The following GUCY1A2 variants were observed in gnomAD, a reference collection of about 807,000 sequenced individuals.
GUCY1A2 encodes the protein guanylate cyclase soluble subunit alpha-2.
A neutral mutation model predicts 63.5 loss-of-function variants in GUCY1A2; 27 were observed. That is an observed-to-expected ratio of 0.43 (90% CI 0.31 to 0.59). GUCY1A2 has a LOEUF of 0.59. GUCY1A2 is among the 20% of genes least tolerant of loss of function. The pLI, the probability that GUCY1A2 is intolerant of heterozygous loss-of-function variation, is 0.11. For missense variants in GUCY1A2, 768 were observed against 913.3 expected, an observed-to-expected ratio of 0.84 and a Z score of 2.05; for synonymous variants, 364 against 343.5, an observed-to-expected ratio of 1.06 and a Z score of -0.66.
intron 3 of GUCY1A2, among the ~76,000 whole-genome samples, chr11:106,959,802 G>C (rs1337009069): frequency 6.6e-6 from 1 of 152,200 alleles, no homozygotes; most frequent in Non-Finnish European, 1.5e-5. Flanking sequence ...CAGGGAAACA[G>C]TCTGGTAAAA....
At chr11:106,770,515 C>A (rs1004834892) in intron 6 of GUCY1A2, among the ~76,000 whole-genome samples, 1 of 151,894 alleles carries the variant, frequency 6.6e-6, no homozygotes, top group Non-Finnish European at 1.5e-5. Flanking sequence ...GCAATATTTC[C>A]AAAACCCAAA....
chr11:106,750,034 G>T (rs1012559339), intron 6 of GUCY1A2, among the ~76,000 whole-genome samples: 1 of 152,050 alleles, frequency 6.6e-6, no homozygotes, highest in African/African-American at 2.4e-5. Context: ...GTTGGGGAGA[G>T]AAGCCTATAA....
chr11:106,880,094 T>C (rs559669794), intron 4 of GUCY1A2, among the ~76,000 whole-genome samples: 10 of 152,066 alleles, frequency 6.6e-5, no homozygotes, highest in South Asian at 2.1e-4. Flanking sequence ...AACTTAAGCA[T>C]ACCCTGAGAA....
rs77133571 is a variant in GUCY1A2, at chr11:106,682,923, G to A, written c.*4626C>T. On this transcript the variant is annotated 3_prime_UTR_variant, in exon 8 of 8. Coordinates refer to ENST00000526355, the MANE Select transcript of GUCY1A2 (RefSeq NM_000855.3). The stretch of plus-strand genomic sequence containing the variant: ...GAATTTTGCACACTATCTCAGTATA[G>A]CCTGACAAGATTGTTAATCTGTATG... The A allele has an allele frequency of 6.5e-3, 1,394 of 215,868 alleles. 8 individuals carry two copies. Among genetic ancestry groups the A allele is most frequent in the Middle Eastern group, 0.015 (10 of 688 alleles). 13.4% of individuals were successfully genotyped at this position (215,868 alleles called of 1,614,324 possible).
At chr11:107,009,019 G>T (rs1457597682) in intron 1 of GUCY1A2, among the ~76,000 whole-genome samples, 1 of 152,154 alleles carries the variant, frequency 6.6e-6, no homozygotes, top group Non-Finnish European at 1.5e-5. Context: ...GGTAACATCA[G>T]GACCTCCACA....
intron 1 of GUCY1A2, among the ~76,000 whole-genome samples, chr11:107,009,562 A>G (rs762493956): frequency 5.1e-4 from 78 of 152,240 alleles, no homozygotes; most frequent in Admixed American, 1.0e-3. Context: ...TACTGAACAT[A>G]AACATAAGCA....
intron 2 of GUCY1A2, among the ~76,000 whole-genome samples, chr11:106,983,269 C>T (rs1206585914): frequency 6.6e-6 from 1 of 152,170 alleles, no homozygotes; most frequent in African/African-American, 2.4e-5. Flanking sequence ...TTTTAGCACT[C>T]ATTTCCCCAA....
intron 4 of GUCY1A2, among the ~76,000 whole-genome samples, chr11:106,927,859 A>C (rs796161464): frequency 2.0e-5 from 3 of 152,174 alleles, no homozygotes; most frequent in African/African-American, 7.2e-5. Context: ...GGCGTGAGCC[A>C]CCACGCCCGG....
intron 7 of GUCY1A2, among the ~76,000 whole-genome samples, chr11:106,688,402 A>G (rs1330845488): frequency 1.3e-5 from 2 of 152,172 alleles, no homozygotes; most frequent in Admixed American, 1.3e-4. Context: ...ACAACATTGG[A>G]ATAAATTTAT....
At chr11:106,764,066 C>T (rs1864116301) in intron 6 of GUCY1A2, among the ~76,000 whole-genome samples, 1 of 151,862 alleles carries the variant, frequency 6.6e-6, no homozygotes, top group African/African-American at 2.4e-5. Flanking sequence ...GTGTATATTT[C>T]AATATTATTC....
chr11:106,716,643 C>A (rs191784116), intron 6 of GUCY1A2, among the ~76,000 whole-genome samples: 118 of 151,774 alleles, frequency 7.8e-4, no homozygotes, highest in Non-Finnish European at 1.4e-3. Flanking sequence ...GTGGAGGACA[C>A]CTGTAGTCCC....
chr11:106,756,163 T>C (rs931661435), intron 6 of GUCY1A2, among the ~76,000 whole-genome samples: 5 of 152,208 alleles, frequency 3.3e-5, no homozygotes, highest in African/African-American at 1.2e-4. Flanking sequence ...GAGACTAGGA[T>C]TGCAACCCCT....
intron 3 of GUCY1A2, among the ~76,000 whole-genome samples, chr11:106,946,273 T>C (rs117988122): frequency 0.01 from 1,549 of 152,140 alleles, 18 homozygotes; most frequent in Non-Finnish European, 0.018. Flanking sequence ...TAATCAATAA[T>C]GAAATGGGAA....
chr11:106,982,759 G>C (rs944688111), intron 2 of GUCY1A2, among the ~76,000 whole-genome samples: 7 of 152,162 alleles, frequency 4.6e-5, no homozygotes, highest in Admixed American at 6.5e-5. Flanking sequence ...AGGTTGGTAA[G>C]TTGAGAAACC....
At chr11:106,733,344 C>T (rs999763854) in intron 6 of GUCY1A2, among the ~76,000 whole-genome samples, 15 of 151,948 alleles carry the variant, frequency 9.9e-5, no homozygotes, top group Non-Finnish European at 2.1e-4. Flanking sequence ...TTAGAGACTA[C>T]GAATATGCTA....
chr11:106,745,124 G>A (rs989126917), intron 6 of GUCY1A2, among the ~76,000 whole-genome samples: 8 of 152,228 alleles, frequency 5.3e-5, no homozygotes, highest in East Asian at 1.9e-4. Context: ...AGGATTGAAC[G>A]ATTTGCCATG....
At position 106,799,910 on chromosome 11, in the gene GUCY1A2, G is replaced by C. The variant is rs562578568; in HGVS notation, c.1692+10083C>G. 3.3e-5 allele frequency among the ~76,000 whole-genome samples: 5 copies of C among 152,258 alleles called. No homozygotes were observed. The South Asian group carries it at 1.0e-3, about 32-fold the overall frequency. On this transcript the variant is annotated intron_variant, in intron 5 of 7. Coordinates refer to ENST00000526355, the MANE Select transcript of GUCY1A2 (RefSeq NM_000855.3). ...ACAAATGGGATCTAATTAAACTAAA[G>C]AGCTTCTGCACAGCAAAAGAAACCA...
At chr11:106,744,846 A>G (rs922435857) in intron 6 of GUCY1A2, among the ~76,000 whole-genome samples, 1 of 152,206 alleles carries the variant, frequency 6.6e-6, no homozygotes, top group South Asian at 2.1e-4. Context: ...CATGTTGTCA[A>G]CATGGATAAT....
chr11:106,733,881 C>T (rs374290008), intron 6 of GUCY1A2, among the ~76,000 whole-genome samples: 9 of 152,132 alleles, frequency 5.9e-5, no homozygotes, highest in Non-Finnish European at 8.8e-5. Flanking sequence ...TATCAGTCCT[C>T]TCTTGAAAAT....
Sources: gnomAD v4.1 joint callset for allele counts (sites outside exome capture counted in the v4.1 genomes callset) on GRCh38, gnomAD v4.1.1 for gene constraint, MANE v1.5 for transcripts, NCBI Gene and HGNC (gene_info 2026-07-23, HGNC 2026-07-21) for gene names.